CSMD1: variants seen among roughly 807,000 people sequenced by gnomAD.
The protein encoded by CSMD1 is CUB and Sushi multiple domains 1.
CSMD1 carries 213 observed loss-of-function variants against 417.5 expected under a neutral mutation model. The observed-to-expected ratio is 0.51, with a 90% CI of 0.46 to 0.57. The LOEUF (loss-of-function observed/expected upper bound fraction) is 0.57, where lower values mean the gene tolerates loss of function less well. Ranked by LOEUF, CSMD1 falls within the 20% of genes least tolerant of loss-of-function variation. The probability of loss-of-function intolerance (pLI) is 0.00; values close to 1 mark genes in which losing one functional copy is unlikely to be tolerated. For missense variants in CSMD1, 6,923 were observed against 4,529.7 expected, an observed-to-expected ratio of 1.53 and a Z score of -15.17; for synonymous variants, 2,862 against 1,736.8, an observed-to-expected ratio of 1.65 and a Z score of -16.11.
At chr8:3,590,439 C>T (rs1372375687) in intron 8 of CSMD1, among the ~76,000 whole-genome samples, 3 of 152,092 alleles carry the variant, frequency 2.0e-5, no homozygotes, top group Non-Finnish European at 2.9e-5. Context: ...AGATTTCCAC[C>T]AAAGGAAAGT....
At chr8:4,259,401 G>A (rs1803716270) in intron 3 of CSMD1, among the ~76,000 whole-genome samples, 1 of 152,022 alleles carries the variant, frequency 6.6e-6, no homozygotes, top group African/African-American at 2.4e-5. Flanking sequence ...TCCCAAACTA[G>A]CTTCATTCAT....
At chr8:4,391,821 T>C (rs1803867780) in intron 3 of CSMD1, among the ~76,000 whole-genome samples, 1 of 152,164 alleles carries the variant, frequency 6.6e-6, no homozygotes, top group South Asian at 2.1e-4. Flanking sequence ...GCAGCTGCCT[T>C]GCTTGTTCTG....
At chr8:4,944,797 G>C (rs1383140374) in intron 1 of CSMD1, among the ~76,000 whole-genome samples, 1 of 152,148 alleles carries the variant, frequency 6.6e-6, no homozygotes, top group African/African-American at 2.4e-5. Flanking sequence ...TGCACTCTTG[G>C]TGGGAATGCA....
At chr8:4,437,243 T>C (rs1021342544) in intron 2 of CSMD1, among the ~76,000 whole-genome samples, 4 of 152,246 alleles carry the variant, frequency 2.6e-5, no homozygotes, top group Non-Finnish European at 5.9e-5. Flanking sequence ...GAACTGGTTC[T>C]GAAATTAGGC....
intron 50 of CSMD1, among the ~76,000 whole-genome samples, chr8:3,033,825 A>G (rs1452922950): frequency 6.6e-6 from 1 of 152,212 alleles, no homozygotes; most frequent in Non-Finnish European, 1.5e-5. Flanking sequence ...GCTTCGAGTT[A>G]CCTTTACACC....
intron 10 of CSMD1, among the ~76,000 whole-genome samples, chr8:3,536,307 AC>A (rs1476769191): frequency 6.6e-6 from 1 of 152,186 alleles, no homozygotes; most frequent in Non-Finnish European, 1.5e-5. Flanking sequence ...TTATTTTACA[AC>A]ATATTTAAAA....
chr8:3,747,876 A>G (rs1797136844), intron 6 of CSMD1, among the ~76,000 whole-genome samples: 2 of 152,140 alleles, frequency 1.3e-5, no homozygotes, highest in Admixed American at 6.5e-5. Context: ...GGAGGCATTG[A>G]GTCTGAGGAA....
chr8:3,109,067 C>T lies in CSMD1; in HGVS notation c.6609-319G>A, dbSNP rs373484716. ...ATCACCTGAGGTCAGGAGTTTGAGA[C>T]CAGCCTGGCCAACATGGTGAAACCC... On this transcript the variant is annotated intron_variant, in intron 43 of 69. Coordinates refer to ENST00000635120, the MANE Select transcript of CSMD1 (RefSeq NM_033225.6). Among the ~76,000 whole-genome samples the T allele has an allele frequency of 6.6e-5, 10 of 152,234 alleles. No individual in the cohort carries two copies. The East Asian group carries it at 7.8e-4, about 12-fold the overall frequency.
intron 3 of CSMD1, among the ~76,000 whole-genome samples, chr8:4,134,479 A>C (rs759272379): frequency 7.9e-5 from 12 of 152,196 alleles, no homozygotes; most frequent in Non-Finnish European, 1.8e-4. Context: ...CAAACCTGCT[A>C]TCACTTTGAT....
chr8:3,503,267 A>C (rs1432715118), intron 10 of CSMD1, among the ~76,000 whole-genome samples: 1 of 152,240 alleles, frequency 6.6e-6, no homozygotes, highest in Admixed American at 6.5e-5. Context: ...TGAGATGTTT[A>C]GCCCCACATA....
chr8:4,613,715 A>C (rs890641311), intron 2 of CSMD1, among the ~76,000 whole-genome samples: 5 of 152,158 alleles, frequency 3.3e-5, no homozygotes, highest in Admixed American at 2.6e-4. Flanking sequence ...TCAGAAGTGA[A>C]AAAAATAGAA....
chr8:3,472,129 T>C (rs1480901826), intron 11 of CSMD1, among the ~76,000 whole-genome samples: 1 of 152,148 alleles, frequency 6.6e-6, no homozygotes, highest in Non-Finnish European at 1.5e-5. Flanking sequence ...GGCAATCTGA[T>C]AATGCTTGTA....
intron 1 of CSMD1, among the ~76,000 whole-genome samples, chr8:4,946,606 A>G (rs1469279332): frequency 6.6e-6 from 1 of 152,206 alleles, no homozygotes; most frequent in Non-Finnish European, 1.5e-5. Flanking sequence ...GCTTATGTCT[A>G]AGGAAGGAGG....
At chr8:4,015,622 T>C (rs1202207446) in intron 4 of CSMD1, among the ~76,000 whole-genome samples, 4 of 67,080 alleles carry the variant, frequency 6.0e-5, no homozygotes, top group African/African-American at 2.4e-4. Context: ...CTCCAAGAAA[T>C]ACAACAGTCT....
chr8:3,772,030 G>C (rs1451150695), intron 5 of CSMD1, among the ~76,000 whole-genome samples: 6 of 151,864 alleles, frequency 4.0e-5, no homozygotes, highest in Admixed American at 6.6e-5. Context: ...TGGATCTAAA[G>C]AGGAGCTTCT....
At chr8:4,362,542 T>C (rs887196778) in intron 3 of CSMD1, among the ~76,000 whole-genome samples, 9 of 152,206 alleles carry the variant, frequency 5.9e-5, no homozygotes, top group African/African-American at 1.9e-4. Context: ...GGATCTTTAA[T>C]TTATTGTGGG....
intron 3 of CSMD1, among the ~76,000 whole-genome samples, chr8:4,308,139 G>C (rs187549369): frequency 3.6e-4 from 55 of 152,326 alleles, no homozygotes; most frequent in African/African-American, 1.2e-3. Context: ...GTTTTACTTA[G>C]AGAAACAAGA....
intron 1 of CSMD1, among the ~76,000 whole-genome samples, chr8:4,738,864 C>G (rs1366938790): frequency 6.8e-6 from 1 of 147,616 alleles, no homozygotes; most frequent in African/African-American, 2.5e-5. Flanking sequence ...TATTTAGGAA[C>G]TACATATAGT....
At chr8:4,517,192 T>C (rs1009792398) in intron 2 of CSMD1, among the ~76,000 whole-genome samples, 1 of 152,214 alleles carries the variant, frequency 6.6e-6, no homozygotes. Flanking sequence ...ACAAGCAGTT[T>C]ATGAGACATA....
Sources: allele counts gnomAD v4.1 joint callset (sites outside exome capture counted in the v4.1 genomes callset), GRCh38; gene constraint gnomAD v4.1.1; transcripts MANE v1.5; gene names NCBI Gene and HGNC (gene_info 2026-07-23, HGNC 2026-07-21).